Variants in CLSTN1 observed in about 807,000 individuals in gnomAD.
CLSTN1 encodes calsyntenin-1.
A neutral mutation model predicts 108.3 loss-of-function variants in CLSTN1; 28 were observed. That is an observed-to-expected ratio of 0.26 (90% CI 0.19 to 0.35). The LOEUF (loss-of-function observed/expected upper bound fraction) is 0.35, where lower values mean the gene tolerates loss of function less well. Ranked by LOEUF, CLSTN1 falls within the 10% of genes least tolerant of loss-of-function variation. CLSTN1 has a pLI of 1.00. For synonymous variants in CLSTN1, 524 were observed against 534.9 expected (o/e 0.98, Z 0.28); for missense variants, 1,157 against 1,302.6 (o/e 0.89, Z 1.72).
chr1:9,734,965 C>G lies in CLSTN1; in HGVS notation c.2093G>C (p.Gly698Ala). The G allele has an allele frequency of 6.2e-7, 1 of 1,614,156 alleles. No homozygotes were observed. Among genetic ancestry groups the G allele is most frequent in the Non-Finnish European group, 8.5e-7 (1 of 1,180,016 alleles). The change falls in exon 14 of 19, where the codon GGG (glycine) becomes GCG (alanine). Residue 698 changes from glycine to alanine, a missense_variant. Transcript: ENST00000377298. The surrounding 1 kb of genome is among the most constrained non-coding windows in gnomAD (Gnocchi z 4.8). ...CACATTACCTGTGGGGTCCTCAGCC[C>G]CGTCCCCTTCAGGCTCCACTTCTCT... ...ITREVEPEGD[G>A]AEDPTVQESL...
chr1:9,812,237 G>A (rs746940117), intron 1 of CLSTN1, among the ~76,000 whole-genome samples: 6 of 152,054 alleles, frequency 3.9e-5, no homozygotes, highest in Non-Finnish European at 8.8e-5. Flanking sequence ...GTCTACCATC[G>A]GTTCTCACTG....
At chr1:9,795,854 C>T (rs1283943606) in intron 1 of CLSTN1, among the ~76,000 whole-genome samples, 1 of 150,634 alleles carries the variant, frequency 6.6e-6, no homozygotes, top group African/African-American at 2.4e-5. Context: ...ACTTGGGAGG[C>T]TGAGGCAGGA....
At chr1:9,755,047 C>T in intron 4 of CLSTN1, 67 bp downstream of exon 4, 1 of 1,370,236 alleles carries the variant, frequency 7.3e-7, no homozygotes, top group South Asian at 1.3e-5. Context: ...ATAGTCACTA[C>T]TATTTTCGTT....
At chr1:9,748,345 G>A (rs1651382730) in intron 7 of CLSTN1, among the ~76,000 whole-genome samples, 1 of 152,100 alleles carries the variant, frequency 6.6e-6, no homozygotes, top group African/African-American at 2.4e-5. Flanking sequence ...CCTTCTGGTG[G>A]GTTTCCCAGT....
At chr1:9,762,116 T>C (rs1372470130) in intron 2 of CLSTN1, among the ~76,000 whole-genome samples, 2 of 152,058 alleles carry the variant, frequency 1.3e-5, no homozygotes, top group African/African-American at 4.8e-5. Context: ...GGGTAACAGG[T>C]TGTAGATCCA....
intron 2 of CLSTN1, among the ~76,000 whole-genome samples, chr1:9,765,997 G>A (rs1355684233): frequency 6.6e-6 from 1 of 152,126 alleles, no homozygotes; most frequent in Non-Finnish European, 1.5e-5. Context: ...AACCCCACTG[G>A]CCACCCTCAG....
intron 7 of CLSTN1, among the ~76,000 whole-genome samples, chr1:9,745,228 CA>C (rs58703418): frequency 0.42 from 45,645 of 109,136 alleles, 5,966 homozygotes; most frequent in East Asian, 0.57. Flanking sequence ...GACTCCGTCT[CA>C]AAAAAAAAAA....
chr1:9,816,650 T>C (rs555575737), intron 1 of CLSTN1, among the ~76,000 whole-genome samples: 1 of 151,076 alleles, frequency 6.6e-6, no homozygotes, highest in Admixed American at 6.6e-5. Context: ...ATGACAAAAG[T>C]GGTCTTTTTT....
intron 9 of CLSTN1, among the ~76,000 whole-genome samples, chr1:9,742,878 C>G (rs1651050390): frequency 6.6e-6 from 1 of 151,594 alleles, no homozygotes; most frequent in South Asian, 2.1e-4. Context: ...TGCACTCCAG[C>G]CTGGGCAACA....
chr1:9,802,352 G>A (rs1465453336), intron 1 of CLSTN1, among the ~76,000 whole-genome samples: 2 of 152,184 alleles, frequency 1.3e-5, no homozygotes, highest in African/African-American at 4.8e-5. Context: ...AGGATCCTAC[G>A]TCAAAAGCTG....
At chr1:9,750,605 G>A (rs1185424370) in intron 5 of CLSTN1, among the ~76,000 whole-genome samples, 1 of 151,584 alleles carries the variant, frequency 6.6e-6, no homozygotes, top group Non-Finnish European at 1.5e-5. Flanking sequence ...CCAGCTACTA[G>A]CGAGGCTGTG....
chr1:9,816,929 G>A (rs1434708121), intron 1 of CLSTN1, among the ~76,000 whole-genome samples: 2 of 152,196 alleles, frequency 1.3e-5, no homozygotes, highest in Non-Finnish European at 2.9e-5. Flanking sequence ...TTACAGACGT[G>A]AGCCACCGCA....
At chr1:9,807,280 A>G (rs894477331) in intron 1 of CLSTN1, among the ~76,000 whole-genome samples, 3 of 152,130 alleles carry the variant, frequency 2.0e-5, no homozygotes, top group East Asian at 1.9e-4. Context: ...CTCATCCTAG[A>G]TGAGTTTCAA....
Position 9,744,429 on chromosome 1 carries a change from C to G in CLSTN1, c.1200G>C (p.Lys400Asn). ...VWMRHGPFGR[K>N]KETILCSSDK... is the part of the protein sequence containing the mutation. ...CAGAACTGCAAAGAATTGTCTCCTT[C>G]TTCCTGCCGAATGGCCCATGTCTCA... Residue 400 changes from lysine to asparagine, a missense_variant, in exon 8 of 19, where the codon AAG becomes AAC. By Grantham distance (94) the Lys-to-Asn change is moderately conservative. Transcript: ENST00000377298. 6.2e-7 allele frequency: 1 copy of G among 1,610,560 alleles called. No individual in the cohort carries two copies.
Position 9,773,367 on chromosome 1 carries a change from G to A in CLSTN1, c.119C>T (p.Pro40Leu). 1 of 1,613,820 alleles carries A rather than the reference G, an allele frequency of 6.2e-7. No individual in the cohort carries two copies. Among genetic ancestry groups the A allele is most frequent in the Non-Finnish European group, 8.5e-7 (1 of 1,179,842 alleles). ...CTCTGTGACTATGCCGTGGTAGGTGGGCTCCAGCCAGGGCTTGTGCTTGTT... is the reference window on the plus strand; with the variant it reads ...CTCTGTGACTATGCCGTGGTAGGTGAGCTCCAGCCAGGGCTTGTGCTTGTT... ...RVNKHKPWLE[P>L]TYHGIVTEND... The change falls in exon 2 of 19, where the codon CCC (proline) becomes CTC (leucine). Residue 40 changes from proline (P) to leucine (L), a missense_variant. Coordinates refer to ENST00000377298, the MANE Select transcript of CLSTN1 (RefSeq NM_001009566.3).
At chr1:9,798,349 G>C (rs1321890044) in intron 1 of CLSTN1, among the ~76,000 whole-genome samples, 1 of 152,104 alleles carries the variant, frequency 6.6e-6, no homozygotes, top group African/African-American at 2.4e-5. Context: ...TGCATCAACA[G>C]ATGAACGGAC....
intron 2 of CLSTN1, among the ~76,000 whole-genome samples, chr1:9,759,524 C>T (rs969652637): frequency 7.9e-5 from 12 of 152,204 alleles, no homozygotes; most frequent in East Asian, 3.8e-4. Context: ...CCTCATGATC[C>T]GCCCGCCTCG....
chr1:9,781,958 A>C (rs532321329), intron 1 of CLSTN1, among the ~76,000 whole-genome samples: 1 of 152,294 alleles, frequency 6.6e-6, no homozygotes, highest in African/African-American at 2.4e-5. Flanking sequence ...TTTATGCATT[A>C]TAACTGTGGA....
In CLSTN1 at chr1:9,823,482, G is replaced by A. The variant is rs984978475; in HGVS notation, c.91+161C>T. Among the ~76,000 whole-genome samples the A allele has an allele frequency of 2.0e-5, 3 of 152,020 alleles. No individual in the cohort carries two copies. The highest frequency in any genetic ancestry group is 4.4e-5 in the Non-Finnish European group (3 of 67,976). ...AACCCGAACCCCACGCCCTGACCCG[G>A]CTCCCTGCGCTCGGACCCGACTCCC... On this transcript the variant is annotated intron_variant, in intron 1 of 18. Coordinates refer to ENST00000377298, the MANE Select transcript of CLSTN1 (RefSeq NM_001009566.3). The surrounding 1 kb of genome is among the most constrained non-coding windows in gnomAD (Gnocchi z 6.3).
Sources: allele counts gnomAD v4.1 joint callset (sites outside exome capture counted in the v4.1 genomes callset), GRCh38; gene constraint gnomAD v4.1.1; non-coding constraint Gnocchi (gnomAD v3.1); transcripts MANE v1.5; gene names NCBI Gene and HGNC (gene_info 2026-07-23, HGNC 2026-07-21).